Variants in TPGS2 observed in about 807,000 individuals in gnomAD.
TPGS2 encodes the protein tubulin polyglutamylase complex subunit 2.
TPGS2 carries 26 observed loss-of-function variants against 31.1 expected under a neutral mutation model. The ratio of observed to expected loss-of-function variants is 0.84; its 90% confidence interval spans 0.61 to 1.16. The LOEUF (loss-of-function observed/expected upper bound fraction) is 1.16. TPGS2 is among the 50% of genes most tolerant of loss of function. The pLI is 0.00. For missense variants in TPGS2, 351 were observed against 363.8 expected, an observed-to-expected ratio of 0.96 and a Z score of 0.29; for synonymous variants, 130 against 136.6, an observed-to-expected ratio of 0.95 and a Z score of 0.34.
chr18:36,796,494 C>A lies in TPGS2; in HGVS notation c.*311G>T. ...AAAACCAGTGGTTTCTTTGGGGGAC[C>A]TCTCTAATCAATCAGTGCTAAGGGA... On this transcript the variant is annotated 3_prime_UTR_variant, in exon 7 of 7. Transcript: ENST00000334295. 11 of 1,105,214 alleles carry A rather than the reference C, an allele frequency of 1.0e-5. No homozygotes were observed. The highest frequency in any genetic ancestry group is 1.2e-5 in the Non-Finnish European group (11 of 909,054). The allele number at this position is 1,105,214 out of a possible 1,614,324, so 68.5% of individuals were successfully genotyped here.
At chr18:36,807,561 G>C (rs979954361) in intron 3 of TPGS2, 20 of 415,032 alleles carry the variant, frequency 4.8e-5, no homozygotes, top group Non-Finnish European at 2.1e-5. Context: ...AGGTGGCTAG[G>C]GTTTTTTATG....
At chr18:36,819,103 CT>C in intron 1 of TPGS2, 130 bp from the exon 2 acceptor site, 2 of 717,220 alleles carry the variant, frequency 2.8e-6, no homozygotes, top group Non-Finnish European at 4.6e-6. Context: ...CTTATTACCC[CT>C]GTAATGAAAG....
intron 1 of TPGS2, 84 bp from the exon 2 acceptor site, chr18:36,819,057 A>G (rs1286214580): frequency 5.0e-5 from 55 of 1,104,152 alleles, no homozygotes; most frequent in African/African-American, 9.2e-5. Flanking sequence ...ACTGTTGATG[A>G]CTGCTCTTAA....
chr18:36,791,830 A>C (rs1205184213), downstream of TPGS2, among the ~76,000 whole-genome samples: 1 of 152,022 alleles, frequency 6.6e-6, no homozygotes, highest in African/African-American at 2.4e-5. Flanking sequence ...CCAGGAATTC[A>C]AGACAAGTCT....
chr18:36,817,467 G>T (rs1296026693), intron 2 of TPGS2: 3 of 147,512 alleles, frequency 2.0e-5, no homozygotes, highest in Admixed American at 6.8e-5. Context: ...ACAAGGTCTT[G>T]CCCTGTTGCT....
chr18:36,812,710 C>T (rs916707398), intron 2 of TPGS2, among the ~76,000 whole-genome samples: 2 of 152,214 alleles, frequency 1.3e-5, no homozygotes, highest in Non-Finnish European at 2.9e-5. Context: ...GTCAGAAGCA[C>T]AGGTAAAACA....
rs113494186 is a variant in TPGS2 at position 36,816,623 on chromosome 18, G to A, written c.165+2271C>T. 4.2e-3 allele frequency among the ~76,000 whole-genome samples: 644 copies of A among 152,142 alleles called. 6 individuals carry two copies. Among genetic ancestry groups the A allele is most frequent in the African/African-American group, 0.015 (608 of 41,508 alleles). Reference sequence around the variant, plus strand: ...CCCTGAGGCAGTTCTTTTTTTTGGGGGTGGGGACAGAGTCTTGCTCTGTTG... The same window carrying A: ...CCCTGAGGCAGTTCTTTTTTTTGGGAGTGGGGACAGAGTCTTGCTCTGTTG... On this transcript the variant is annotated intron_variant, in intron 2 of 6. Coordinates refer to ENST00000334295, the MANE Select transcript of TPGS2 (RefSeq NM_015476.4).
At chr18:36,800,892 A>G (rs1021837060) in intron 4 of TPGS2, among the ~76,000 whole-genome samples, 93 of 152,078 alleles carry the variant, frequency 6.1e-4, no homozygotes, top group African/African-American at 2.2e-3. Flanking sequence ...GTTTCACCAC[A>G]TTGGCCAGAC....
At chr18:36,820,548 T>C (rs2045851453) in intron 1 of TPGS2, among the ~76,000 whole-genome samples, 1 of 152,252 alleles carries the variant, frequency 6.6e-6, no homozygotes, top group South Asian at 2.1e-4. Context: ...AAATTCCATT[T>C]GTATAATTCT....
chr18:36,799,537 G>A (rs1378266314), intron 5 of TPGS2, among the ~76,000 whole-genome samples: 4 of 152,040 alleles, frequency 2.6e-5, no homozygotes, highest in African/African-American at 7.2e-5. Flanking sequence ...CTCCCCACCC[G>A]GTATCTAATT....
intron 4 of TPGS2, among the ~76,000 whole-genome samples, chr18:36,804,236 GTAC>G (rs1043590167): frequency 2.1e-4 from 32 of 152,258 alleles, no homozygotes; most frequent in African/African-American, 7.7e-4. Flanking sequence ...TATACTTGTT[GTAC>G]TATCCTAAAA....
chr18:36,811,152 A>G (rs2150630493), intron 2 of TPGS2, among the ~76,000 whole-genome samples: 1 of 152,362 alleles, frequency 6.6e-6, no homozygotes, highest in African/African-American at 2.4e-5. Flanking sequence ...AATTGTGGCA[A>G]TGAGCACAAC....
rs374271515 is a variant in TPGS2, at chr18:36,828,817, C to G, written c.-50G>C. ...GGCGGGAGCGGGTGGAGGGCCGGAC[C>G]CCGCCTCAGCGCCGAGGCCAATTTC... is the stretch of plus-strand genomic sequence containing the variant. On this transcript the variant is annotated 5_prime_UTR_variant, in exon 1 of 7. Transcript: ENST00000334295. 100 of 1,597,274 alleles carry G rather than the reference C, an allele frequency of 6.3e-5. No homozygotes were observed. The African/African-American group carries it at 1.2e-3, about 20-fold the overall frequency.
At chr18:36,786,924 C>T (rs1334277331) in intron 6 of TPGS2, 1 of 1,234,404 alleles carries the variant, frequency 8.1e-7, no homozygotes, top group Non-Finnish European at 1.0e-6. Flanking sequence ...GCCTGCTGCA[C>T]ACGCTACAGC....
intron 2 of TPGS2, among the ~76,000 whole-genome samples, chr18:36,810,454 T>A (rs1325067578): frequency 6.6e-6 from 1 of 152,036 alleles, no homozygotes; most frequent in Admixed American, 6.6e-5. Context: ...TCTGCCCACA[T>A]CAGAGGGCTT....
chr18:36,815,473 T>G (rs1028207334), intron 2 of TPGS2, among the ~76,000 whole-genome samples: 3 of 152,186 alleles, frequency 2.0e-5, no homozygotes, highest in South Asian at 4.2e-4. Context: ...AAAAAACATA[T>G]CTGACATACA....
chr18:36,782,659 AT>A (rs1207426461), downstream of TPGS2, among the ~76,000 whole-genome samples: 4 of 152,136 alleles, frequency 2.6e-5, no homozygotes, highest in Non-Finnish European at 5.9e-5. Context: ...ACCAGTAATA[AT>A]TCCCCAAGGC....
chr18:36,825,520 T>C (rs1242848625), intron 1 of TPGS2, among the ~76,000 whole-genome samples: 2 of 152,144 alleles, frequency 1.3e-5, no homozygotes, highest in Admixed American at 6.5e-5. Flanking sequence ...TCTACATTTC[T>C]AGTTTTATGC....
At position 36,794,417 on chromosome 18, in the gene TPGS2, G is replaced by C. The variant is rs897502761; in HGVS notation, c.*2388C>G. 5 of 985,440 alleles carry C rather than the reference G, an allele frequency of 5.1e-6. No individual in the cohort carries two copies. The highest frequency in any genetic ancestry group is 4.8e-6 in the Non-Finnish European group (4 of 829,948). 61.0% of individuals were successfully genotyped at this position (985,440 alleles called of 1,614,324 possible). On this transcript the variant is annotated 3_prime_UTR_variant, in exon 7 of 7. Transcript: ENST00000334295. ...ACTCCCACTTGATTGCCACAGATTT[G>C]AGTGACACCGCTGACCTCCTGGTTC...
Sources: allele counts gnomAD v4.1 joint callset (sites outside exome capture counted in the v4.1 genomes callset), GRCh38; gene constraint gnomAD v4.1.1; transcripts MANE v1.5; gene names NCBI Gene and HGNC (gene_info 2026-07-23, HGNC 2026-07-21).